The following PDXDC1 variants were observed in gnomAD, a reference collection of about 807,000 sequenced individuals.
PDXDC1 encodes the protein pyridoxal-dependent decarboxylase domain-containing protein 1.
Under a neutral mutation model 100.1 loss-of-function variants are expected in PDXDC1, and 42 were observed. The ratio of observed to expected loss-of-function variants is 0.42; its 90% CI spans 0.33 to 0.54. The LOEUF (loss-of-function observed/expected upper bound fraction) is 0.54, where lower values mean the gene tolerates loss of function less well. PDXDC1 is among the 20% of genes least tolerant of loss of function. The pLI, the probability that PDXDC1 is intolerant of heterozygous loss-of-function variation, is 0.10. For synonymous variants in PDXDC1, 260 were observed against 371.7 expected (o/e 0.70, Z 3.46); for missense variants, 636 against 979.2 (o/e 0.65, Z 4.68).
At chr16:15,086,143 G>C in intron 16 of PDXDC1, 1 of 1,600,216 alleles carries the variant, frequency 6.2e-7, no homozygotes, top group South Asian at 1.1e-5. Flanking sequence ...CACAAAATGG[G>C]AAGCAATCAT....
chr16:15,135,778 A>G (rs2048320081), intron 16 of PDXDC1: 1 of 1,593,622 alleles, frequency 6.3e-7, no homozygotes, highest in African/African-American at 1.3e-5. Context: ...GGTATGAGCC[A>G]CCCTCAGTGA....
At chr16:15,090,081 G>A (rs2046072145) in intron 16 of PDXDC1, among the ~76,000 whole-genome samples, 1 of 151,902 alleles carries the variant, frequency 6.6e-6, no homozygotes, top group East Asian at 1.9e-4. Flanking sequence ...ATGGTGGCGG[G>A]TGCCTGTAAT....
chr16:14,976,650 G>A (rs1446710478), intron 1 of PDXDC1: 1 of 152,470 alleles, frequency 6.6e-6, no homozygotes, highest in Non-Finnish European at 1.5e-5. Context: ...TTCCCCAGGA[G>A]ACATTTGGCT....
chr16:15,133,901 G>A, intron 16 of PDXDC1: 1 of 1,480,550 alleles, frequency 6.8e-7, no homozygotes, highest in Non-Finnish European at 9.2e-7. Flanking sequence ...GGGGGATGGA[G>A]GCGCAGCCCT....
chr16:15,089,424 AAC>A (rs1374861315), intron 16 of PDXDC1, among the ~76,000 whole-genome samples: 1 of 152,184 alleles, frequency 6.6e-6, no homozygotes, highest in Non-Finnish European at 1.5e-5. Context: ...CAGAAGAATC[AAC>A]AGAGTGAGAA....
chr16:14,995,969 T>G (rs1256199027), intron 1 of PDXDC1, among the ~76,000 whole-genome samples: 16 of 152,294 alleles, frequency 1.1e-4, no homozygotes, highest in Admixed American at 2.0e-4. Flanking sequence ...TTTGTATTTC[T>G]GTGGGATTGG....
rs199973134 is a variant in PDXDC1 at position 15,119,416 on chromosome 16, TG to T, written c.1400-19462del. ...TGATCTAAAAAAAAAAAATTTTTTT[TG>T]TTTTTTTTTTTTTTGAGACAGAGTT... On this transcript the variant is annotated intron_variant, in intron 16 of 16. Transcript: ENST00000535621. 2.1e-3 allele frequency among the ~76,000 whole-genome samples: 309 copies of T among 144,136 alleles called. 10 individuals carry two copies. Among genetic ancestry groups the T allele is most frequent in the Middle Eastern group, 7.4e-3 (2 of 272 alleles). The allele number at this position is 144,136 out of a possible 152,430, so 94.6% of individuals were successfully genotyped here.
chr16:15,117,723 C>T (rs1466402151), intron 16 of PDXDC1, among the ~76,000 whole-genome samples: 1 of 111,930 alleles, frequency 8.9e-6, no homozygotes, highest in East Asian at 2.5e-4. Context: ...AAAAAAAAAG[C>T]TTCCTCCAAT....
intron 16 of PDXDC1, chr16:15,072,824 G>T: frequency 1.1e-6 from 1 of 933,790 alleles, no homozygotes; most frequent in Non-Finnish European, 1.6e-6. Flanking sequence ...TTATTAAGCA[G>T]ACTAGCAAGT....
chr16:15,129,426 G>A (rs1177955130), intron 16 of PDXDC1, among the ~76,000 whole-genome samples: 1 of 152,128 alleles, frequency 6.6e-6, no homozygotes, highest in Non-Finnish European at 1.5e-5. Context: ...GCAACAGAGC[G>A]AGACTCCGTC....
At chr16:15,039,134 G>A (rs2043689119), downstream of PDXDC1, among the ~76,000 whole-genome samples, 1 of 152,196 alleles carries the variant, frequency 6.6e-6, no homozygotes. Context: ...AAAAGAAGAA[G>A]CTAATTTGCC....
downstream of PDXDC1, chr16:15,040,342 A>C: frequency 2.6e-6 from 1 of 385,208 alleles, no homozygotes; most frequent in Admixed American, 4.4e-5. Context: ...CTTCAGTCGG[A>C]CATGTAGCAA....
At chr16:14,984,476 CATATAT>C (rs749990542) in intron 1 of PDXDC1, among the ~76,000 whole-genome samples, 11 of 92,682 alleles carry the variant, frequency 1.2e-4, no homozygotes, top group South Asian at 8.7e-4. Context: ...TGTGTGTATA[CATATAT>C]ATATATATAT....
At chr16:15,010,150 G>A in intron 8 of PDXDC1, among the ~76,000 whole-genome samples, 1 of 152,284 alleles carries the variant, frequency 6.6e-6, no homozygotes, top group Non-Finnish European at 1.5e-5. Context: ...GGGTTCAAGT[G>A]TTTCTCCTGC....
At chr16:15,047,827 A>C in intron 16 of PDXDC1, 1 of 1,579,522 alleles carries the variant, frequency 6.3e-7, no homozygotes, top group Non-Finnish European at 8.7e-7. Context: ...AGTTTAAGTA[A>C]TGGTTTCCTT....
chr16:15,008,947 T>G, intron 7 of PDXDC1, 100 bp downstream of exon 7: 3 of 1,108,430 alleles, frequency 2.7e-6, no homozygotes, highest in South Asian at 2.6e-5. Context: ...ATTAGTAACT[T>G]ACTCATGTAT....
intron 16 of PDXDC1, among the ~76,000 whole-genome samples, chr16:15,077,368 G>A (rs1373587723): frequency 2.6e-5 from 4 of 152,028 alleles, no homozygotes; most frequent in Non-Finnish European, 4.4e-5. Context: ...CATAGGGTAG[G>A]TTTCCCCCAT....
At position 15,104,285 on chromosome 16, in the gene PDXDC1, C is replaced by A. The variant is rs1343223005; in HGVS notation, c.1400-34594C>A. The A allele has an allele frequency of 4.2e-5, 61 of 1,440,522 alleles. No homozygotes were observed. In the African/African-American group the frequency reaches 8.4e-4, roughly 20 times the overall value. The allele number at this position is 1,440,522 out of a possible 1,614,324, so 89.2% of individuals were successfully genotyped here. ...CAGGCAATCATACCAGATATTGAAA[C>A]AAAGCAATAACATAAGGACTGCAGT... On this transcript the variant is annotated intron_variant, in intron 16 of 16. Coordinates refer to the PDXDC1 transcript ENST00000535621.
At chr16:15,075,427 G>C (rs1471032200) in intron 16 of PDXDC1, among the ~76,000 whole-genome samples, 2 of 151,900 alleles carry the variant, frequency 1.3e-5, no homozygotes, top group Non-Finnish European at 2.9e-5. Context: ...AAAAAAAGTA[G>C]CTGGGTGCGG....
Sources: allele counts gnomAD v4.1 joint callset (sites outside exome capture counted in the v4.1 genomes callset), GRCh38; gene constraint gnomAD v4.1.1; transcripts MANE v1.5; gene names NCBI Gene and HGNC (gene_info 2026-07-23, HGNC 2026-07-21).